Variants in COL9A1 observed in about 807,000 individuals in gnomAD.
COL9A1 encodes collagen alpha-1(IX) chain.
A neutral mutation model predicts 142.6 loss-of-function variants in COL9A1; 104 were observed. The ratio of observed to expected loss-of-function variants is 0.73; its 90% CI spans 0.62 to 0.86. The LOEUF is 0.86. COL9A1 is among the 40% of genes least tolerant of loss of function. The probability of loss-of-function intolerance (pLI) is 0.00; values close to 1 mark genes in which losing one functional copy is unlikely to be tolerated. For synonymous variants in COL9A1, 466 were observed against 396.0 expected (o/e 1.18, Z -2.10); for missense variants, 1,210 against 1,176.6 (o/e 1.03, Z -0.42).
intron 1 of COL9A1, 149 bp from the exon 2 acceptor site, chr6:70,302,223 T>C (rs1225267140): frequency 1.6e-6 from 1 of 621,346 alleles, no homozygotes; most frequent in East Asian, 3.3e-5. Context: ...TTTTTTTTTT[T>C]TTTTGAGACG....
intron 7 of COL9A1, among the ~76,000 whole-genome samples, chr6:70,282,479 A>T (rs1299387705): frequency 1.4e-5 from 2 of 147,314 alleles, no homozygotes; most frequent in Non-Finnish European, 3.0e-5. Flanking sequence ...GGGTTAGTGC[A>T]GCTACGGCGG....
At chr6:70,234,702 G>A in intron 34 of COL9A1, 92 bp downstream of exon 34, 1 of 1,605,774 alleles carries the variant, frequency 6.2e-7, no homozygotes, top group South Asian at 1.1e-5. Context: ...GGATTTACAA[G>A]AGAACTTGTT....
chr6:70,220,640 A>T (rs1039509664), intron 37 of COL9A1, among the ~76,000 whole-genome samples: 1 of 152,140 alleles, frequency 6.6e-6, no homozygotes, highest in African/African-American at 2.4e-5. Flanking sequence ...GCTCTCATGT[A>T]TGTTCTAAAC....
At chr6:70,228,349 G>C (rs530919575) in intron 36 of COL9A1, among the ~76,000 whole-genome samples, 4 of 152,110 alleles carry the variant, frequency 2.6e-5, no homozygotes, top group Admixed American at 6.5e-5. Flanking sequence ...ATTAACAAAA[G>C]GCATTAATTC....
intron 20 of COL9A1, among the ~76,000 whole-genome samples, chr6:70,259,742 C>G (rs548753862): frequency 6.6e-6 from 1 of 152,260 alleles, no homozygotes; most frequent in African/African-American, 2.4e-5. Context: ...TAACTAACTA[C>G]TTATTTGTCT....
intron 20 of COL9A1, among the ~76,000 whole-genome samples, chr6:70,259,250 C>T (rs113979): frequency 0.48 from 72,975 of 151,952 alleles, 17,888 homozygotes; most frequent in African/African-American, 0.53. Flanking sequence ...GCATGTACAA[C>T]GTACAACGTA....
At chr6:70,222,581 C>T (rs1768947820) in intron 37 of COL9A1, among the ~76,000 whole-genome samples, 1 of 152,152 alleles carries the variant, frequency 6.6e-6, no homozygotes, top group South Asian at 2.1e-4. Context: ...TAATACTTAA[C>T]ACTGAACAAA....
In COL9A1 at chr6:70,300,348, G is replaced by A. The variant is rs372737493; in HGVS notation, c.127C>T (p.Leu43Phe). The A allele has an allele frequency of 2.1e-5, 34 of 1,613,418 alleles. No individual in the cohort carries two copies. The highest frequency in any genetic ancestry group is 2.6e-5 in the Non-Finnish European group (31 of 1,179,766). Residue 43 changes from leucine (L) to phenylalanine (F), a missense_variant, in exon 3 of 38, where the codon CTC becomes TTC. Physicochemically the swap from Leu to Phe is conservative, Grantham distance 22. Coordinates refer to ENST00000357250, the MANE Select transcript of COL9A1 (RefSeq NM_001851.6). ...VNSNSNGGNE[L>F]CPKIRIGQDD... is the part of the protein sequence containing the mutation. ...TGGCCAATCCTGATCTTTGGACAGAGTTCATTTCCACCATTAGAATTGGAA... is the reference window on the plus strand; with the variant it reads ...TGGCCAATCCTGATCTTTGGACAGAATTCATTTCCACCATTAGAATTGGAA...
At chr6:70,268,720 G>T in intron 17 of COL9A1, 84 bp downstream of exon 17, 2 of 1,259,758 alleles carry the variant, frequency 1.6e-6, no homozygotes, top group Non-Finnish European at 2.3e-6. Context: ...TGGGGTCTCT[G>T]CACCAGGAAG....
chr6:70,269,693 G>A, intron 15 of COL9A1, 28 bp from the exon 16 acceptor site: 1 of 1,447,914 alleles, frequency 6.9e-7, no homozygotes, highest in African/African-American at 1.4e-5. Flanking sequence ...TTAAGGTTCA[G>A]AATACAATTA....
At position 70,241,952 on chromosome 6, in the gene COL9A1, T is replaced by G; in HGVS notation, c.1998+12A>C. On this transcript the variant is annotated intron_variant, in intron 30 of 37. Transcript: ENST00000357250. ...CCAAATAAAGAACCTTCTGGAGTGC[T>G]GGAGCTCTTACCCTGTCACCTTTCA... 2 of 1,584,090 alleles carry G rather than the reference T, an allele frequency of 1.3e-6. No homozygotes were observed.
At chr6:70,259,135 A>G (rs1213301273) in intron 20 of COL9A1, among the ~76,000 whole-genome samples, 1 of 151,682 alleles carries the variant, frequency 6.6e-6, no homozygotes, top group Non-Finnish European at 1.5e-5. Flanking sequence ...AACAGCCTGG[A>G]AAAAAAACAT....
intron 30 of COL9A1, 94 bp downstream of exon 30, chr6:70,241,870 A>G: frequency 3.6e-6 from 4 of 1,122,760 alleles, no homozygotes; most frequent in Non-Finnish European, 5.3e-6. Flanking sequence ...AATTCTAGAA[A>G]ATTCTCCACA....
chr6:70,288,125 A>G (rs76159239), intron 5 of COL9A1, among the ~76,000 whole-genome samples: 6,196 of 152,108 alleles, frequency 0.041, 209 homozygotes, highest in Non-Finnish European at 0.066. Context: ...CCAAAACCCA[A>G]ACTAACTCCT....
In COL9A1 at chr6:70,248,039, T is replaced by A. The variant is rs1277809200; in HGVS notation, c.1872+4081A>T. Reference sequence around the variant, plus strand: ...ATCATCTTCAGAAAACTGAGGTACATCAGCATGAAACTCATCCCAGTCAGT... The same window carrying A: ...ATCATCTTCAGAAAACTGAGGTACAACAGCATGAAACTCATCCCAGTCAGT... On this transcript the variant is annotated intron_variant, in intron 28 of 37. Coordinates refer to ENST00000357250, the MANE Select transcript of COL9A1 (RefSeq NM_001851.6). 3.9e-5 allele frequency among the ~76,000 whole-genome samples: 6 copies of A among 152,280 alleles called. No homozygotes were observed. The East Asian group carries it at 9.6e-4, about 24-fold the overall frequency.
At chr6:70,281,840 G>A (rs1335393640) in intron 7 of COL9A1, among the ~76,000 whole-genome samples, 1 of 152,156 alleles carries the variant, frequency 6.6e-6, no homozygotes, top group East Asian at 1.9e-4. Flanking sequence ...CGATTTATCA[G>A]TCATTGCAGG....
chr6:70,301,868 C>A, intron 2 of COL9A1, 133 bp downstream of exon 2: 2 of 747,680 alleles, frequency 2.7e-6, no homozygotes, highest in Admixed American at 2.1e-5. Flanking sequence ...TATCCCTGTG[C>A]CCCAAAGCTG....
intron 22 of COL9A1, 56 bp from the exon 23 acceptor site, chr6:70,255,259 G>T: frequency 6.2e-7 from 1 of 1,611,300 alleles, no homozygotes. Context: ...ATAATACTTA[G>T]ACTTGTCAAA....
At chr6:70,260,917 G>A (rs1771642182) in intron 19 of COL9A1, 1 of 496,116 alleles carries the variant, frequency 2.0e-6, no homozygotes, top group South Asian at 2.9e-5. Flanking sequence ...ATAAAATTCT[G>A]AAGTCTTACA....
Sources: allele counts gnomAD v4.1 joint callset (sites outside exome capture counted in the v4.1 genomes callset), GRCh38; gene constraint gnomAD v4.1.1; transcripts MANE v1.5; gene names NCBI Gene and HGNC (gene_info 2026-07-23, HGNC 2026-07-21).